The following AGBL4 variants were observed in gnomAD, a reference collection of about 807,000 sequenced individuals.
AGBL4 encodes cytosolic carboxypeptidase 6.
A neutral mutation model predicts 66.4 loss-of-function variants in AGBL4; 58 were observed. The observed-to-expected ratio is 0.87, with a 90% CI of 0.71 to 1.09. The LOEUF is 1.09. AGBL4 is among the 50% of genes least tolerant of loss of function. The pLI is 0.00. For synonymous variants in AGBL4, 234 were observed against 222.9 expected, an observed-to-expected ratio of 1.05 and a Z score of -0.44; for missense variants, 579 against 631.0, an observed-to-expected ratio of 0.92 and a Z score of 0.88.
intron 5 of AGBL4, among the ~76,000 whole-genome samples, chr1:49,020,585 G>T (rs1235077806): frequency 2.0e-5 from 3 of 152,172 alleles, no homozygotes; most frequent in Non-Finnish European, 4.4e-5. Context: ...CCCTCAGACT[G>T]CATGGCAGGG....
At chr1:49,094,273 A>T (rs1195588735) in intron 4 of AGBL4, among the ~76,000 whole-genome samples, 2 of 152,034 alleles carry the variant, frequency 1.3e-5, no homozygotes, top group African/African-American at 4.8e-5. Context: ...AGAACCTGGG[A>T]ATTTTACCTT....
In AGBL4 at chr1:48,841,808, T is replaced by C. The variant is rs534322864; in HGVS notation, c.634+25383A>G. On this transcript the variant is annotated intron_variant, in intron 6 of 13. Transcript: ENST00000371839. ...AGAGTCTATTTTAAGAGTCATAATTTTTTTCTTTAAATATTAAAAAAATCT... is the reference window on the plus strand; with the variant it reads ...AGAGTCTATTTTAAGAGTCATAATTCTTTTCTTTAAATATTAAAAAAATCT... Among the ~76,000 whole-genome samples the C allele has an allele frequency of 2.0e-4, 31 of 152,220 alleles. No individual in the cohort carries two copies. The South Asian group carries it at 3.3e-3, about 16-fold the overall frequency.
At chr1:50,005,654 C>G (rs1038664461) in intron 1 of AGBL4, among the ~76,000 whole-genome samples, 2 of 152,154 alleles carry the variant, frequency 1.3e-5, no homozygotes, top group Non-Finnish European at 2.9e-5. Context: ...AAACAATGAA[C>G]TAAATAAGTC....
intron 1 of AGBL4, among the ~76,000 whole-genome samples, chr1:50,019,132 C>T (rs931896651): frequency 2.6e-5 from 4 of 152,138 alleles, no homozygotes; most frequent in Non-Finnish European, 4.4e-5. Flanking sequence ...GCAGTATTGC[C>T]TTTCCATAAT....
chr1:49,972,280 A>G (rs190901330), intron 1 of AGBL4, among the ~76,000 whole-genome samples: 4 of 152,086 alleles, frequency 2.6e-5, no homozygotes, highest in Middle Eastern at 3.4e-3. Context: ...AACAGTGAAC[A>G]TTGTACCCAA....
intron 1 of AGBL4, among the ~76,000 whole-genome samples, chr1:49,942,244 C>T (rs1654829490): frequency 6.6e-6 from 1 of 151,874 alleles, no homozygotes; most frequent in Non-Finnish European, 1.5e-5. Flanking sequence ...ATTAATATTG[C>T]CAAAATGTCC....
intron 3 of AGBL4, among the ~76,000 whole-genome samples, chr1:49,682,975 T>C (rs1646724309): frequency 6.6e-6 from 1 of 152,076 alleles, no homozygotes; most frequent in Non-Finnish European, 1.5e-5. Flanking sequence ...CAGAGAAAGG[T>C]TCTACTTCAC....
At chr1:49,739,932 C>T (rs1352726807) in intron 2 of AGBL4, among the ~76,000 whole-genome samples, 2 of 152,118 alleles carry the variant, frequency 1.3e-5, no homozygotes, top group African/African-American at 2.4e-5. Context: ...CAACCAGTAC[C>T]GGCCACCGCA....
At chr1:48,933,604 T>C (rs1247060360) in intron 5 of AGBL4, among the ~76,000 whole-genome samples, 1 of 152,226 alleles carries the variant, frequency 6.6e-6, no homozygotes, top group Non-Finnish European at 1.5e-5. Flanking sequence ...ATCCTAATAA[T>C]AGGCAGCTCT....
chr1:49,273,858 T>A (rs955314294), intron 3 of AGBL4, among the ~76,000 whole-genome samples: 3 of 151,826 alleles, frequency 2.0e-5, no homozygotes, highest in Admixed American at 1.3e-4. Context: ...TGTTTTGTAT[T>A]TTTTTAGTAG....
At chr1:48,730,041 T>C (rs553730661) in intron 6 of AGBL4, among the ~76,000 whole-genome samples, 13 of 152,204 alleles carry the variant, frequency 8.5e-5, no homozygotes, top group South Asian at 6.2e-4. Flanking sequence ...CTACTCATTC[T>C]TCCAGATTCA....
At chr1:49,830,761 A>T (rs1389910677) in intron 2 of AGBL4, among the ~76,000 whole-genome samples, 4 of 152,144 alleles carry the variant, frequency 2.6e-5, no homozygotes, top group Non-Finnish European at 4.4e-5. Context: ...TAAGTCTTTA[A>T]TCCTTCATGA....
At chr1:49,133,103 C>T (rs1645933498) in intron 4 of AGBL4, among the ~76,000 whole-genome samples, 1 of 152,030 alleles carries the variant, frequency 6.6e-6, no homozygotes, top group Admixed American at 6.6e-5. Flanking sequence ...ATGGATGAAG[C>T]TAGAAACCAT....
intron 6 of AGBL4, among the ~76,000 whole-genome samples, chr1:48,758,136 T>C (rs1442721035): frequency 6.6e-6 from 1 of 152,236 alleles, no homozygotes; most frequent in East Asian, 1.9e-4. Context: ...TATTAAGTTC[T>C]ATGAGCAAAC....
chr1:48,656,594 TA>T (rs1161889388), intron 7 of AGBL4, among the ~76,000 whole-genome samples: 2 of 152,064 alleles, frequency 1.3e-5, no homozygotes, highest in Non-Finnish European at 2.9e-5. Context: ...AAAGGGGACT[TA>T]AAAAATGAGT....
At chr1:49,014,695 G>A (rs1246581714) in intron 5 of AGBL4, among the ~76,000 whole-genome samples, 1 of 152,078 alleles carries the variant, frequency 6.6e-6, no homozygotes, top group Non-Finnish European at 1.5e-5. Flanking sequence ...TAGCTGCTTT[G>A]CTAGCCCACA....
At chr1:49,418,165 C>T (rs1251181680) in intron 3 of AGBL4, among the ~76,000 whole-genome samples, 5 of 152,130 alleles carry the variant, frequency 3.3e-5, no homozygotes, top group Admixed American at 3.3e-4. Flanking sequence ...CTGCATTCTC[C>T]ATACCCCTAC....
At chr1:49,725,483 C>T (rs1648948875) in intron 2 of AGBL4, among the ~76,000 whole-genome samples, 2 of 152,098 alleles carry the variant, frequency 1.3e-5, no homozygotes, top group South Asian at 4.1e-4. Context: ...CTGATCTATG[C>T]TGGGCTGTCC....
At chr1:49,424,757 A>C (rs1645620318) in intron 3 of AGBL4, among the ~76,000 whole-genome samples, 1 of 152,196 alleles carries the variant, frequency 6.6e-6, no homozygotes, top group South Asian at 2.1e-4. Flanking sequence ...AGGTATTAGA[A>C]GGCTCTTGTG....
Sources: allele counts gnomAD v4.1 joint callset (sites outside exome capture counted in the v4.1 genomes callset), GRCh38; gene constraint gnomAD v4.1.1; transcripts MANE v1.5; gene names NCBI Gene and HGNC (gene_info 2026-07-23, HGNC 2026-07-21).